Variants in COL25A1 observed in about 807,000 individuals in gnomAD.
The protein encoded by COL25A1 is collagen type XXV alpha 1 chain.
A neutral mutation model predicts 128.4 loss-of-function variants in COL25A1; 103 were observed. That is an observed-to-expected ratio of 0.80 (90% CI 0.68 to 0.94). The LOEUF (loss-of-function observed/expected upper bound fraction) is 0.94, where lower values mean the gene tolerates loss of function less well. Among genes scored for constraint, COL25A1 ranks in the 40% least tolerant of loss-of-function variants. The pLI is 0.00. For synonymous variants in COL25A1, 279 were observed against 277.2 expected, an observed-to-expected ratio of 1.01 and a Z score of -0.06; for missense variants, 745 against 840.0, an observed-to-expected ratio of 0.89 and a Z score of 1.40.
chr4:108,940,732 C>G (rs1747991019), intron 9 of COL25A1, 86 bp from the exon 10 acceptor site: 1 of 831,096 alleles, frequency 1.2e-6, no homozygotes, highest in African/African-American at 1.7e-5. Flanking sequence ...TTTGTATTAT[C>G]TAATTCACAT....
intron 3 of COL25A1, among the ~76,000 whole-genome samples, chr4:109,164,807 T>C (rs1772914042): frequency 6.6e-6 from 1 of 152,210 alleles, no homozygotes; most frequent in Non-Finnish European, 1.5e-5. Flanking sequence ...TTTATGATAT[T>C]GATTAACAAT....
rs116848552 is a variant in COL25A1 at position 108,988,354 on chromosome 4, A to T, written c.439-13795T>A. Among the ~76,000 whole-genome samples the T allele has an allele frequency of 1.5e-3, 226 of 152,350 alleles. 4 individuals carry two copies. In the East Asian group the frequency reaches 0.039, roughly 27 times the overall value. ...AAATTAGTATTTTCTGAATAGCCTG[A>T]TAGCAATAAAAAAGACACAGATATC... On this transcript the variant is annotated intron_variant, in intron 6 of 37. Transcript: ENST00000399132.
At chr4:109,158,214 C>T (rs1320623136) in intron 3 of COL25A1, among the ~76,000 whole-genome samples, 1 of 151,854 alleles carries the variant, frequency 6.6e-6, no homozygotes, top group Admixed American at 6.6e-5. Flanking sequence ...GAAAATTTTA[C>T]ACTTTAGTTT....
At chr4:109,239,366 ATGTGTGTGTATGTGTGTGTG>A (rs1779689938) in intron 3 of COL25A1, among the ~76,000 whole-genome samples, 1 of 113,082 alleles carries the variant, frequency 8.8e-6, no homozygotes, top group African/African-American at 3.5e-5. Flanking sequence ...TCTATTATAT[ATGTGTGTGTATGTGTGTGTG>A]TGTGTGTGTA....
At chr4:109,028,414 C>T (rs1272859358) in intron 5 of COL25A1, among the ~76,000 whole-genome samples, 2 of 152,116 alleles carry the variant, frequency 1.3e-5, no homozygotes, top group African/African-American at 4.8e-5. Flanking sequence ...CTGCCCATTC[C>T]AACATGTAGA....
intron 3 of COL25A1, among the ~76,000 whole-genome samples, chr4:109,126,523 T>C (rs995045116): frequency 6.6e-6 from 1 of 152,176 alleles, no homozygotes; most frequent in Non-Finnish European, 1.5e-5. Flanking sequence ...ATTTAAAACA[T>C]TGCACATTTA....
Position 108,813,859 on chromosome 4 carries a change from G to T in COL25A1, c.*68C>A. On this transcript the variant is annotated 3_prime_UTR_variant, in exon 38 of 38. Transcript: ENST00000399132. ...TCAGACTTGTAAAATCTGCAATTCA[G>T]TTTTCAACTATAAATATTAAAAATG... 4.0e-6 allele frequency: 5 copies of T among 1,263,100 alleles called. No individual in the cohort carries two copies. The highest frequency in any genetic ancestry group is 5.7e-6 in the Non-Finnish European group (5 of 881,998). 78.2% of individuals were successfully genotyped at this position (1,263,100 alleles called of 1,614,324 possible). A position where few individuals can be genotyped will look rare whatever the true frequency, so the allele number is the denominator to read the frequency against.
chr4:108,928,083 A>G (rs142367358), intron 11 of COL25A1, among the ~76,000 whole-genome samples: 2 of 152,322 alleles, frequency 1.3e-5, no homozygotes, highest in African/African-American at 2.4e-5. Flanking sequence ...AAAAATTAAC[A>G]GGCTTCTTTG....
At chr4:108,971,097 C>T (rs979223592) in intron 8 of COL25A1, among the ~76,000 whole-genome samples, 1 of 152,108 alleles carries the variant, frequency 6.6e-6, no homozygotes, top group African/African-American at 2.4e-5. Flanking sequence ...CAAGTGTCAC[C>T]TCTTCCACAG....
chr4:109,071,891 A>G (rs894678064), intron 3 of COL25A1, among the ~76,000 whole-genome samples: 2 of 152,204 alleles, frequency 1.3e-5, no homozygotes, highest in African/African-American at 2.4e-5. Context: ...ACAGTGTGGC[A>G]ATTCCTCAAG....
At chr4:109,026,100 G>GCGCACACACA (rs369513602) in intron 5 of COL25A1, among the ~76,000 whole-genome samples, 3 of 137,046 alleles carry the variant, frequency 2.2e-5, no homozygotes, top group African/African-American at 8.1e-5. Flanking sequence ...AAAACACTTT[G>GCGCACACACA]CACACACACA....
intron 3 of COL25A1, among the ~76,000 whole-genome samples, chr4:109,070,694 A>G (rs1448285312): frequency 1.5e-5 from 1 of 67,462 alleles, no homozygotes; most frequent in African/African-American, 6.4e-5. Context: ...CCCTCCCCCC[A>G]CCCCACAACA....
intron 5 of COL25A1, among the ~76,000 whole-genome samples, chr4:109,010,581 T>A (rs1191290886): frequency 6.6e-6 from 1 of 152,182 alleles, no homozygotes; most frequent in African/African-American, 2.4e-5. Flanking sequence ...AAAATCCTGA[T>A]ATTATAGTCT....
chr4:108,904,642 T>A (rs1743245537), intron 13 of COL25A1, among the ~76,000 whole-genome samples: 1 of 151,780 alleles, frequency 6.6e-6, no homozygotes. Context: ...TGTATGTGGG[T>A]GGGGGGAGCT....
chr4:108,815,286 C>T (rs1323890607), intron 37 of COL25A1, among the ~76,000 whole-genome samples: 1 of 152,082 alleles, frequency 6.6e-6, no homozygotes, highest in Non-Finnish European at 1.5e-5. Flanking sequence ...GCCCTACAGC[C>T]TAATAAACAC....
chr4:108,829,962 G>A (rs761975533), intron 32 of COL25A1, among the ~76,000 whole-genome samples: 19 of 152,184 alleles, frequency 1.2e-4, no homozygotes, highest in Admixed American at 3.9e-4. Flanking sequence ...CAGCTTGTCC[G>A]TGGTCAGAAG....
At chr4:108,886,444 G>T (rs1426495923) in intron 18 of COL25A1, among the ~76,000 whole-genome samples, 7 of 10,472 alleles carry the variant, frequency 6.7e-4, no homozygotes, top group Admixed American at 1.3e-3. Context: ...ATGAGATTTT[G>T]TGTGTGTGTG....
chr4:109,125,897 G>A (rs2126061084), intron 3 of COL25A1, among the ~76,000 whole-genome samples: 1 of 152,194 alleles, frequency 6.6e-6, no homozygotes, highest in Middle Eastern at 3.4e-3. Flanking sequence ...AGCAATATTT[G>A]GGGACCTTAA....
intron 8 of COL25A1, among the ~76,000 whole-genome samples, chr4:108,956,358 G>T (rs1750072656): frequency 1.3e-5 from 2 of 152,082 alleles, no homozygotes; most frequent in Non-Finnish European, 2.9e-5. Context: ...TACTTAACCA[G>T]TCACACAGTT....
Sources: gnomAD v4.1 joint callset for allele counts (sites outside exome capture counted in the v4.1 genomes callset) on GRCh38, gnomAD v4.1.1 for gene constraint, MANE v1.5 for transcripts, NCBI Gene and HGNC (gene_info 2026-07-23, HGNC 2026-07-21) for gene names.